DLC1: variants seen among roughly 807,000 people sequenced by gnomAD.
The protein encoded by DLC1 is rho GTPase-activating protein 7.
DLC1 carries 54 observed loss-of-function variants against 140.3 expected under a neutral mutation model. The observed-to-expected ratio is 0.38, with a 90% confidence interval of 0.31 to 0.48. The LOEUF (loss-of-function observed/expected upper bound fraction) is 0.48, where lower values mean the gene tolerates loss of function less well. DLC1 is among the 20% of genes least tolerant of loss of function. The pLI, the probability that DLC1 is intolerant of heterozygous loss-of-function variation, is 0.96. For synonymous variants in DLC1, 986 were observed against 728.1 expected, an observed-to-expected ratio of 1.35 and a Z score of -5.70; for missense variants, 2,536 against 1,907.0, an observed-to-expected ratio of 1.33 and a Z score of -6.14.
intron 4 of DLC1, among the ~76,000 whole-genome samples, chr8:13,350,854 G>A (rs80288017): frequency 0.074 from 11,319 of 152,206 alleles, 490 homozygotes; most frequent in South Asian, 0.12. Context: ...CATAGAAGCC[G>A]CTCTTGAAAA....
intron 4 of DLC1, among the ~76,000 whole-genome samples, chr8:13,366,710 A>G (rs1033164560): frequency 6.6e-6 from 1 of 152,138 alleles, no homozygotes; most frequent in Non-Finnish European, 1.5e-5. Context: ...CTCCTTTCGG[A>G]TGCCCTCTCA....
chr8:13,455,992 A>G (rs531935505), intron 2 of DLC1, among the ~76,000 whole-genome samples: 69 of 152,224 alleles, frequency 4.5e-4, no homozygotes, highest in Non-Finnish European at 7.9e-4. Flanking sequence ...TGATTCATTC[A>G]TTTGTTCATT....
intron 4 of DLC1, among the ~76,000 whole-genome samples, chr8:13,324,841 G>A (rs926809467): frequency 6.6e-6 from 1 of 152,106 alleles, no homozygotes; most frequent in Non-Finnish European, 1.5e-5. Context: ...GAATCTTGAA[G>A]GTGTTTCGTG....
At chr8:13,202,632 T>C (rs1827452840) in intron 5 of DLC1, among the ~76,000 whole-genome samples, 1 of 152,278 alleles carries the variant, frequency 6.6e-6, no homozygotes, top group Non-Finnish European at 1.5e-5. Context: ...TGACTTTACT[T>C]TTATCAAAAC....
chr8:13,158,733 T>A (rs866317785), intron 5 of DLC1, among the ~76,000 whole-genome samples: 1 of 59,040 alleles, frequency 1.7e-5, no homozygotes, highest in Non-Finnish European at 3.3e-5. Context: ...ACCACCACCC[T>A]CCCCCCCCCC....
At position 13,413,256 on chromosome 8, in the gene DLC1, ATTTTT is replaced by A. The variant is rs58038503; in HGVS notation, c.1024-11642_1024-11638del. Among the ~76,000 whole-genome samples, 10 of 82,006 alleles carry A rather than the reference ATTTTT, an allele frequency of 1.2e-4. 1 individual carries two copies. Among genetic ancestry groups the A allele is most frequent in the South Asian group, 4.9e-4 (1 of 2,048 alleles). The allele number at this position is 82,006 out of a possible 152,430, so 53.8% of individuals were successfully genotyped here. A position where few individuals can be genotyped will look rare whatever the true frequency, so the allele number is the denominator to read the frequency against. ...TAAAACATTATGAGATTTTTTTGCGATTTTTTTTTTTTTTTTTTTTTAGCTCATCA... is the reference window on the plus strand; with the variant it reads ...TAAAACATTATGAGATTTTTTTGCGATTTTTTTTTTTTTTTTAGCTCATCA... On this transcript the variant is annotated intron_variant, in intron 2 of 17. Transcript: ENST00000276297.
At chr8:13,527,177 A>G (rs544938571) in intron 1 of DLC1, among the ~76,000 whole-genome samples, 1 of 152,318 alleles carries the variant, frequency 6.6e-6, no homozygotes, top group Admixed American at 6.5e-5. Flanking sequence ...TACAATCTAC[A>G]TTACAATGTT....
At chr8:13,544,468 G>C (rs1803590251) in intron 1 of DLC1, among the ~76,000 whole-genome samples, 1 of 152,140 alleles carries the variant, frequency 6.6e-6, no homozygotes, top group Admixed American at 6.6e-5. Flanking sequence ...TTTGGTCTGA[G>C]AAAATGAACT....
intron 4 of DLC1, among the ~76,000 whole-genome samples, chr8:13,382,420 T>C (rs1433531607): frequency 1.5e-5 from 2 of 133,470 alleles, no homozygotes; most frequent in Admixed American, 8.8e-5. Flanking sequence ...GGCAGGAGAA[T>C]GGCGTGAACC....
chr8:13,143,468 C>G (rs1052404619), intron 5 of DLC1, among the ~76,000 whole-genome samples: 1 of 152,110 alleles, frequency 6.6e-6, no homozygotes, highest in Non-Finnish European at 1.5e-5. Flanking sequence ...GTGAGTTTTT[C>G]TTTTTGAGAC....
chr8:13,092,460 T>C, intron 13 of DLC1, 152 bp downstream of exon 13: 3 of 800,264 alleles, frequency 3.7e-6, no homozygotes, highest in Non-Finnish European at 5.9e-6. Flanking sequence ...GTCTCAGGTA[T>C]GTCTTTATTA....
intron 2 of DLC1, among the ~76,000 whole-genome samples, chr8:13,478,502 T>C (rs948469452): frequency 1.1e-4 from 17 of 152,182 alleles, no homozygotes; most frequent in African/African-American, 4.1e-4. Context: ...AACTCTTAGC[T>C]AAAGTCTAGC....
At chr8:13,170,312 A>G (rs1457663538) in intron 5 of DLC1, among the ~76,000 whole-genome samples, 1 of 152,228 alleles carries the variant, frequency 6.6e-6, no homozygotes, top group Non-Finnish European at 1.5e-5. Flanking sequence ...TGCAGTCACA[A>G]TCATTGAGAA....
chr8:13,434,133 T>C (rs971074528), intron 2 of DLC1, among the ~76,000 whole-genome samples: 1 of 152,208 alleles, frequency 6.6e-6, no homozygotes, highest in African/African-American at 2.4e-5. Flanking sequence ...TGCCTCGGCC[T>C]CCCAAAGTAC....
Position 13,407,779 on chromosome 8 carries a change from G to A in DLC1, c.1024-6160C>T, listed in dbSNP as rs1175628838. Among the ~76,000 whole-genome samples the A allele has an allele frequency of 3.9e-5, 6 of 152,138 alleles. No homozygotes were observed. In the East Asian group the frequency reaches 1.2e-3, roughly 29 times the overall value. On this transcript the variant is annotated intron_variant, in intron 2 of 17. Transcript: ENST00000276297. ...TGTGTGTTACTGGTTATTCTGGACT[G>A]CTAATACTCCTCACTCACCCGTGAA... is the stretch of plus-strand genomic sequence containing the variant.
chr8:13,378,450 G>A (rs946282936), intron 4 of DLC1, among the ~76,000 whole-genome samples: 5 of 151,782 alleles, frequency 3.3e-5, no homozygotes, highest in Non-Finnish European at 7.4e-5. Flanking sequence ...GTATGTTAGA[G>A]TTTTCCCTAA....
chr8:13,453,413 T>C (rs1354396765), intron 2 of DLC1, among the ~76,000 whole-genome samples: 8 of 53,014 alleles, frequency 1.5e-4, no homozygotes, highest in African/African-American at 6.1e-4. Context: ...TGTATATATA[T>C]ATATATATAT....
chr8:13,457,676 C>CAAAAAA (rs34916262), intron 2 of DLC1, among the ~76,000 whole-genome samples: 10 of 54,852 alleles, frequency 1.8e-4, no homozygotes, highest in East Asian at 6.5e-4. Flanking sequence ...GACTCCATCT[C>CAAAAAA]AAAAAAAAAA....
intron 5 of DLC1, among the ~76,000 whole-genome samples, chr8:13,144,963 T>C (rs10109292): frequency 0.17 from 25,921 of 152,114 alleles, 2,378 homozygotes; most frequent in Non-Finnish European, 0.21. Flanking sequence ...AAGTATTTTG[T>C]TATGCAGCAA....
Sources: allele counts gnomAD v4.1 joint callset (sites outside exome capture counted in the v4.1 genomes callset), GRCh38; gene constraint gnomAD v4.1.1; transcripts MANE v1.5; gene names NCBI Gene and HGNC (gene_info 2026-07-23, HGNC 2026-07-21).